The following TNMD variants were observed in gnomAD, a reference collection of about 807,000 sequenced individuals.
TNMD encodes the protein tenomodulin.
A neutral mutation model predicts 26.9 loss-of-function variants in TNMD; 15 were observed. The ratio of observed to expected loss-of-function variants is 0.56; its 90% CI spans 0.37 to 0.86. The LOEUF is 0.86. Among genes scored for constraint, TNMD ranks in the 40% least tolerant of loss-of-function variants. The probability of loss-of-function intolerance (pLI) is 0.00; values close to 1 mark genes in which losing one functional copy is unlikely to be tolerated. For synonymous variants in TNMD, 73 were observed against 77.0 expected, an observed-to-expected ratio of 0.95 and a Z score of 0.27; for missense variants, 222 against 242.6, an observed-to-expected ratio of 0.92 and a Z score of 0.56.
intron 5 of TNMD, among the ~76,000 whole-genome samples, chrX:100,598,720 A>G (rs2082959855): frequency 8.9e-6 from 1 of 112,691 alleles, no homozygotes; most frequent in Non-Finnish European, 1.9e-5. Flanking sequence ...TCATCATTGT[A>G]GGAGATACAG....
intron 2 of TNMD, chrX:100,593,586 G>C (rs1443358131): frequency 1.1e-5 from 2 of 180,582 alleles, no homozygotes; most frequent in East Asian, 1.4e-4. Flanking sequence ...GGGCAGTAAG[G>C]GGGGGGTCGT....
intron 2 of TNMD, among the ~76,000 whole-genome samples, chrX:100,588,053 C>A (rs1202769091): frequency 9.0e-6 from 1 of 111,641 alleles, no homozygotes; most frequent in Non-Finnish European, 1.9e-5. Flanking sequence ...GCTCTCCTAG[C>A]CTCCACCACG....
intron 2 of TNMD, among the ~76,000 whole-genome samples, chrX:100,591,124 G>T (rs1461942580): frequency 9.0e-6 from 1 of 111,382 alleles, no homozygotes; most frequent in Non-Finnish European, 1.9e-5. Context: ...AGAATGAACA[G>T]AATATGAAAA....
intron 2 of TNMD, 69 bp downstream of exon 2, chrX:100,585,431 T>C (rs1486686496): frequency 1.0e-6 from 1 of 989,028 alleles, no homozygotes; most frequent in African/African-American, 1.9e-5. Flanking sequence ...AGTAGGCATA[T>C]AAATTATTCT....
chrX:100,593,659 C>A, intron 2 of TNMD: 1 of 283,550 alleles, frequency 3.5e-6, no homozygotes, highest in East Asian at 6.3e-5. Flanking sequence ...TTTAGGTGAT[C>A]CCTCAGCTTA....
At chrX:100,589,816 A>G (rs1198475262) in intron 2 of TNMD, among the ~76,000 whole-genome samples, 1 of 111,387 alleles carries the variant, frequency 9.0e-6, no homozygotes, top group Non-Finnish European at 1.9e-5. Flanking sequence ...GTCCCTAGAG[A>G]CACTCAGTGA....
In TNMD at chrX:100,599,136, G is replaced by C; in HGVS notation, c.698G>C (p.Arg233Pro). The change falls in exon 6 of 7, where the codon CGT (arginine) becomes CCT (proline). Residue 233 changes from arginine to proline, a missense_variant. Arg to Pro is a moderately radical substitution (Grantham distance 103, BLOSUM62 -2). Transcript: ENST00000373031. Reference sequence around the variant, plus strand: ...CCTCAAGTGAAAGTAGAGAAGACCCGTCACGCCAGACAAGCAAGTGAGGAA... The same window carrying C: ...CCTCAAGTGAAAGTAGAGAAGACCCCTCACGCCAGACAAGCAAGTGAGGAA... ...VVPQVKVEKT[R>P]HARQASEEEL... is the part of the protein sequence containing the mutation. 5.0e-6 allele frequency: 6 copies of C among 1,203,924 alleles called. No homozygotes were observed. Among genetic ancestry groups the C allele is most frequent in the Non-Finnish European group, 5.6e-6 (5 of 891,662 alleles).
At chrX:100,587,229 C>T (rs2082924558) in intron 2 of TNMD, among the ~76,000 whole-genome samples, 1 of 112,433 alleles carries the variant, frequency 8.9e-6, no homozygotes, top group African/African-American at 3.2e-5. Flanking sequence ...CTTGCAGCTT[C>T]ATGGTCTCCT....
chrX:100,598,165 G>A (rs2082958155), intron 5 of TNMD, among the ~76,000 whole-genome samples: 1 of 111,793 alleles, frequency 8.9e-6, no homozygotes, highest in African/African-American at 3.3e-5. Context: ...GTCCAGAGTA[G>A]AAGAGTCCAG....
rs778659803 is a variant in TNMD at position 100,599,102 on chromosome X, T to C, written c.664T>C (p.Trp222Arg). 36 of 1,207,305 alleles carry C rather than the reference T, an allele frequency of 3.0e-5. No homozygotes were observed. The highest frequency in any genetic ancestry group is 3.9e-5 in the Non-Finnish European group (35 of 893,069). The stretch of plus-strand genomic sequence containing the variant: ...AAAAGGGATTGAACAAAATGAACAG[T>C]GGGTGGTCCCTCAAGTGAAAGTAGA... ...EKKGIEQNEQWVVPQVKVEKT... is the reference protein window; with the variant it reads ...EKKGIEQNEQRVVPQVKVEKT... Residue 222 changes from tryptophan (W) to arginine (R), a missense_variant, in exon 6 of 7, where the codon TGG (tryptophan) becomes CGG (arginine). Coordinates refer to ENST00000373031, the MANE Select transcript of TNMD (RefSeq NM_022144.3).
intron 4 of TNMD, 81 bp downstream of exon 4, chrX:100,594,443 T>C (rs1441186829): frequency 1.9e-6 from 1 of 538,439 alleles, no homozygotes; most frequent in Non-Finnish European, 2.9e-6. Context: ...TACTAAATGC[T>C]TTACTTTTCT....
rs777430159 is a variant in TNMD, at chrX:100,599,715, T to C, written c.952T>C (p.Ter318GlnextTer1). The change falls in exon 7 of 7, where the codon TAA (stop) becomes CAA (glutamine). Residue 318 changes from the stop codon to glutamine, a stop_lost. Transcript: ENST00000373031. ...GGTGGCCCGCATGCTGGGGAGGGTC[T>C]AATAGGAGGTTTGAGCTCAAATGCT... ...WWVARMLGRV[*>Q] The C allele has an allele frequency of 2.5e-6, 3 of 1,206,926 alleles. No individual in the cohort carries two copies. The African/African-American group carries it at 5.3e-5, about 21-fold the overall frequency.
intron 2 of TNMD, among the ~76,000 whole-genome samples, chrX:100,590,617 T>A (rs1321455337): frequency 1.8e-5 from 2 of 111,994 alleles, no homozygotes; most frequent in African/African-American, 6.5e-5. Context: ...TGTGGTCTTC[T>A]TACACTTCTC....
chrX:100,586,546 C>T (rs1037886941), intron 2 of TNMD, among the ~76,000 whole-genome samples: 2 of 111,716 alleles, frequency 1.8e-5, no homozygotes, highest in Non-Finnish European at 3.8e-5. Context: ...CTTGGGTTCT[C>T]CACCTCTGCT....
chrX:100,593,218 G>A (rs1474161862), intron 2 of TNMD: 1 of 349,785 alleles, frequency 2.9e-6, no homozygotes, highest in Non-Finnish European at 3.7e-6. Flanking sequence ...AGGACACTTG[G>A]CTCAGTTGGC....
chrX:100,594,128 C>A, intron 3 of TNMD, 93 bp downstream of exon 3: 1 of 1,023,908 alleles, frequency 9.8e-7, no homozygotes, highest in South Asian at 2.5e-5. Flanking sequence ...AATTTGAATT[C>A]AAATGGAAAG....
chrX:100,592,992 T>C (rs1401892739), intron 2 of TNMD, among the ~76,000 whole-genome samples: 4 of 112,346 alleles, frequency 3.6e-5, no homozygotes, highest in African/African-American at 1.3e-4. Context: ...CAAATTCCTT[T>C]ATGCTTATTT....
intron 2 of TNMD, among the ~76,000 whole-genome samples, chrX:100,586,527 A>G (rs906182203): frequency 8.9e-6 from 1 of 111,846 alleles, no homozygotes; most frequent in South Asian, 3.8e-4. Context: ...GGTATAAAGC[A>G]TAACCACCCT....
intron 4 of TNMD, 74 bp downstream of exon 4, chrX:100,594,436 T>TAA (rs1184852053): frequency 3.4e-6 from 2 of 586,529 alleles, no homozygotes; most frequent in Non-Finnish European, 5.2e-6. Flanking sequence ...AACATTGTAC[T>TAA]AAATGCTTTA....
Sources: allele counts gnomAD v4.1 joint callset (sites outside exome capture counted in the v4.1 genomes callset), GRCh38; gene constraint gnomAD v4.1.1; transcripts MANE v1.5; gene names NCBI Gene and HGNC (gene_info 2026-07-23, HGNC 2026-07-21).